Variants in NOS1AP observed in about 807,000 individuals in gnomAD.
The protein encoded by NOS1AP is carboxyl-terminal PDZ ligand of neuronal nitric oxide synthase protein.
A neutral mutation model predicts 56.2 loss-of-function variants in NOS1AP; 21 were observed. That is an observed-to-expected ratio of 0.37 (90% CI 0.26 to 0.54). The LOEUF is 0.54. NOS1AP is among the 20% of genes least tolerant of loss of function. The pLI, the probability that NOS1AP is intolerant of heterozygous loss-of-function variation, is 0.84. For synonymous variants in NOS1AP, 270 were observed against 274.6 expected, an observed-to-expected ratio of 0.98 and a Z score of 0.17; for missense variants, 522 against 657.8, an observed-to-expected ratio of 0.79 and a Z score of 2.26.
chr1:162,285,531 T>TGG, intron 2 of NOS1AP, among the ~76,000 whole-genome samples: 1 of 152,290 alleles, frequency 6.6e-6, no homozygotes, highest in Non-Finnish European at 1.5e-5. Context: ...CCTTCGCTGG[T>TGG]TTGTGGCTGC....
At chr1:162,304,004 G>T (rs555394369) in intron 4 of NOS1AP, among the ~76,000 whole-genome samples, 2 of 140,164 alleles carry the variant, frequency 1.4e-5, no homozygotes, top group African/African-American at 5.3e-5. Context: ...TTTATTGATT[G>T]TGCTTTTGGT....
At chr1:162,141,679 C>A (rs1311989619) in intron 1 of NOS1AP, among the ~76,000 whole-genome samples, 1 of 152,156 alleles carries the variant, frequency 6.6e-6, no homozygotes, top group Non-Finnish European at 1.5e-5. Flanking sequence ...TCTTTCTTTC[C>A]ACCTTTTGGT....
At chr1:162,314,000 T>G (rs1656145540) in intron 4 of NOS1AP, among the ~76,000 whole-genome samples, 1 of 152,208 alleles carries the variant, frequency 6.6e-6, no homozygotes, top group African/African-American at 2.4e-5. Context: ...CCTAGAAGGA[T>G]TCTTAGTGTA....
At chr1:162,160,658 T>C (rs1650163549) in intron 2 of NOS1AP, among the ~76,000 whole-genome samples, 1 of 152,178 alleles carries the variant, frequency 6.6e-6, no homozygotes, top group Non-Finnish European at 1.5e-5. Flanking sequence ...ACTTTCTCCC[T>C]AAGTGGCCCC....
intron 1 of NOS1AP, among the ~76,000 whole-genome samples, chr1:162,128,608 G>A (rs1648599595): frequency 6.6e-6 from 1 of 152,000 alleles, no homozygotes; most frequent in Admixed American, 6.5e-5. Context: ...CCAAACCTAA[G>A]TGTATTTGTA....
intron 2 of NOS1AP, among the ~76,000 whole-genome samples, chr1:162,280,049 A>G (rs1654868891): frequency 6.6e-6 from 1 of 152,174 alleles, no homozygotes; most frequent in Non-Finnish European, 1.5e-5. Flanking sequence ...TGCAGTGGCT[A>G]ATGTCTGTAA....
chr1:162,152,774 C>T lies in NOS1AP; in HGVS notation c.106-1631C>T, dbSNP rs546737632. Among the ~76,000 whole-genome samples, 6 of 152,304 alleles carry T rather than the reference C, an allele frequency of 3.9e-5. No homozygotes were observed. The South Asian group carries it at 1.2e-3, about 32-fold the overall frequency. The stretch of plus-strand genomic sequence containing the variant: ...CCTTTGTGGTATTTAGTTTTTGAAA[C>T]CCTCCTCACTGGGGTCAGGCCTCAG... On this transcript the variant is annotated intron_variant, in intron 1 of 9. Transcript: ENST00000361897.
intron 2 of NOS1AP, among the ~76,000 whole-genome samples, chr1:162,187,865 G>T (rs1449467172): frequency 6.6e-6 from 1 of 152,198 alleles, no homozygotes; most frequent in Non-Finnish European, 1.5e-5. Flanking sequence ...GCCATGTGAT[G>T]TGCTGGGCAG....
chr1:162,332,624 G>A (rs1216287891), intron 4 of NOS1AP, among the ~76,000 whole-genome samples: 2 of 152,160 alleles, frequency 1.3e-5, no homozygotes, highest in African/African-American at 4.8e-5. Context: ...CTGCATTTGG[G>A]GATAATTGTA....
At chr1:162,249,919 C>A (rs929985876) in intron 2 of NOS1AP, among the ~76,000 whole-genome samples, 2 of 152,166 alleles carry the variant, frequency 1.3e-5, no homozygotes, top group African/African-American at 4.8e-5. Flanking sequence ...GTGAATGGGC[C>A]TTTTGCAGAT....
chr1:162,207,703 A>G (rs1202187452), intron 2 of NOS1AP, among the ~76,000 whole-genome samples: 1 of 152,158 alleles, frequency 6.6e-6, no homozygotes, highest in African/African-American at 2.4e-5. Context: ...AATATTCATG[A>G]TGTGTGAAAA....
intron 2 of NOS1AP, among the ~76,000 whole-genome samples, chr1:162,236,905 G>C (rs927822483): frequency 6.6e-6 from 1 of 152,126 alleles, no homozygotes; most frequent in Admixed American, 6.5e-5. Flanking sequence ...TAGCTAAATT[G>C]CTAGTTACTT....
In NOS1AP at chr1:162,190,357, A is replaced by T. The variant is rs201618529; in HGVS notation, c.177+35881A>T. 8.3e-4 allele frequency among the ~76,000 whole-genome samples: 37 copies of T among 44,482 alleles called. No individual in the cohort carries two copies. The South Asian group carries it at 0.025, about 30-fold the overall frequency. 29.2% of individuals were successfully genotyped at this position (44,482 alleles called of 152,430 possible). A position where few individuals can be genotyped will look rare whatever the true frequency, so the allele number is the denominator to read the frequency against. On this transcript the variant is annotated intron_variant, in intron 2 of 9. Coordinates refer to ENST00000361897, the MANE Select transcript of NOS1AP (RefSeq NM_014697.3). ...TTTCTTCTCTGAACACATTTTTTTT[A>T]AATTTTATTTTATTTTATTATTATT... is the stretch of plus-strand genomic sequence containing the variant.
intron 2 of NOS1AP, among the ~76,000 whole-genome samples, chr1:162,239,765 T>G (rs1476823819): frequency 6.6e-6 from 1 of 152,086 alleles, no homozygotes; most frequent in Non-Finnish European, 1.5e-5. Flanking sequence ...AGAACCCCAG[T>G]AGGAAAAGCA....
chr1:162,078,790 G>A (rs1691827546), intron 1 of NOS1AP, among the ~76,000 whole-genome samples: 1 of 152,128 alleles, frequency 6.6e-6, no homozygotes, highest in Non-Finnish European at 1.5e-5. Flanking sequence ...CCCAACTGTA[G>A]TACCCACCAT....
intron 1 of NOS1AP, among the ~76,000 whole-genome samples, chr1:162,118,297 A>G (rs1648054607): frequency 6.6e-6 from 1 of 152,144 alleles, no homozygotes; most frequent in African/African-American, 2.4e-5. Flanking sequence ...TCGTTCCCAT[A>G]TGCACGTTCA....
At chr1:162,114,973 G>A (rs1308931742) in intron 1 of NOS1AP, among the ~76,000 whole-genome samples, 1 of 152,214 alleles carries the variant, frequency 6.6e-6, no homozygotes, top group African/African-American at 2.4e-5. Flanking sequence ...ATATCCATGA[G>A]TTAACTTCAG....
chr1:162,112,390 G>C (rs1015247535), intron 1 of NOS1AP, among the ~76,000 whole-genome samples: 1 of 152,218 alleles, frequency 6.6e-6, no homozygotes, highest in Non-Finnish European at 1.5e-5. Flanking sequence ...ACAAGAGTTG[G>C]CTCTAGGTTC....
intron 8 of NOS1AP, among the ~76,000 whole-genome samples, chr1:162,359,694 G>GTATA (rs1235893327): frequency 2.0e-5 from 3 of 150,902 alleles, no homozygotes; most frequent in Admixed American, 1.3e-4. Flanking sequence ...AATAGACCAA[G>GTATA]TATAGCAAGC....
Sources: gnomAD v4.1 joint callset for allele counts (sites outside exome capture counted in the v4.1 genomes callset) on GRCh38, gnomAD v4.1.1 for gene constraint, MANE v1.5 for transcripts, NCBI Gene and HGNC (gene_info 2026-07-23, HGNC 2026-07-21) for gene names.